The following NWD2 variants were observed in gnomAD, a reference collection of about 807,000 sequenced individuals.
NWD2 encodes NACHT and WD repeat domain containing 2, also known as NACHT and WD repeat domain-containing protein 2.
A neutral mutation model predicts 132.7 loss-of-function variants in NWD2; 37 were observed. That is an observed-to-expected ratio of 0.28 (90% CI 0.21 to 0.37). The LOEUF is 0.37. NWD2 is among the 10% of genes least tolerant of loss of function. The pLI is 1.00. For missense variants in NWD2, 1,592 were observed against 2,122.4 expected (o/e 0.75, Z 4.91); for synonymous variants, 705 against 803.0 (o/e 0.88, Z 2.06).
chr4:37,436,412 G>A (rs540955375), intron 5 of NWD2, among the ~76,000 whole-genome samples: 9 of 152,102 alleles, frequency 5.9e-5, no homozygotes. Flanking sequence ...ATTTATTTAG[G>A]TATATTTAAG....
chr4:37,282,828 A>G (rs936274611), intron 1 of NWD2, among the ~76,000 whole-genome samples: 1 of 152,050 alleles, frequency 6.6e-6, no homozygotes, highest in Non-Finnish European at 1.5e-5. Context: ...AGTTTTTTTT[A>G]TTTTTAGCAT....
chr4:37,253,679 G>A (rs1364173893), intron 1 of NWD2, among the ~76,000 whole-genome samples: 2 of 152,180 alleles, frequency 1.3e-5, no homozygotes, highest in East Asian at 3.8e-4. Context: ...CAGATATTCA[G>A]TATCAGAATA....
intron 3 of NWD2, among the ~76,000 whole-genome samples, chr4:37,366,986 C>T (rs760982183): frequency 6.6e-6 from 1 of 152,128 alleles, no homozygotes; most frequent in African/African-American, 2.4e-5. Context: ...ACCTAATTAA[C>T]ATTTATAGAA....
intron 3 of NWD2, among the ~76,000 whole-genome samples, chr4:37,389,960 G>A (rs1232760366): frequency 6.6e-6 from 1 of 151,940 alleles, no homozygotes; most frequent in Non-Finnish European, 1.5e-5. Context: ...TTGTATTTCT[G>A]GTAGAGATGG....
intron 1 of NWD2, among the ~76,000 whole-genome samples, chr4:37,248,190 T>C (rs1276914022): frequency 2.6e-5 from 4 of 152,070 alleles, no homozygotes; most frequent in African/African-American, 9.7e-5. Flanking sequence ...TCACACCACG[T>C]GGGCAAGACA....
chr4:37,335,947 A>G (rs1719397681), intron 2 of NWD2, among the ~76,000 whole-genome samples: 1 of 151,388 alleles, frequency 6.6e-6, no homozygotes, highest in Non-Finnish European at 1.5e-5. Flanking sequence ...CTATACCATC[A>G]CTGTGTAAAG....
intron 1 of NWD2, among the ~76,000 whole-genome samples, chr4:37,318,230 T>G (rs944543150): frequency 6.6e-6 from 1 of 152,030 alleles, no homozygotes; most frequent in African/African-American, 2.4e-5. Flanking sequence ...TTTCACCATG[T>G]TGGCCAGGCT....
chr4:37,380,544 A>T (rs1720432355), intron 3 of NWD2, among the ~76,000 whole-genome samples: 1 of 152,258 alleles, frequency 6.6e-6, no homozygotes, highest in African/African-American at 2.4e-5. Flanking sequence ...TATGTTGCTT[A>T]GCACAGGGTC....
chr4:37,435,065 G>A (rs898787864), intron 5 of NWD2, among the ~76,000 whole-genome samples: 6 of 152,174 alleles, frequency 3.9e-5, no homozygotes, highest in African/African-American at 1.4e-4. Context: ...TCACCTGTTG[G>A]CCTTTCTCAG....
chr4:37,294,325 A>G (rs1435391), intron 1 of NWD2, among the ~76,000 whole-genome samples: 152,239 of 152,308 alleles, frequency 1, 76,086 homozygotes, highest in Middle Eastern at 1. Context: ...GAAATCCTTA[A>G]TACCAAAGGC....
rs188663894 is a variant in NWD2, at chr4:37,430,239, T to C, written c.358-333T>C. Reference sequence around the variant, plus strand: ...GACATTTTTAAGGTCTAGCACATCATTTTTCTTTGATATGAACAAACAAAT... The same window carrying C: ...GACATTTTTAAGGTCTAGCACATCACTTTTCTTTGATATGAACAAACAAAT... On this transcript the variant is annotated intron_variant, in intron 3 of 6. Transcript: ENST00000309447. Among the ~76,000 whole-genome samples, 38 of 152,322 alleles carry C rather than the reference T, an allele frequency of 2.5e-4. No individual in the cohort carries two copies. The East Asian group carries it at 7.3e-3, about 29-fold the overall frequency.
At chr4:37,436,956 T>C (rs1366962788) in intron 5 of NWD2, among the ~76,000 whole-genome samples, 4 of 152,204 alleles carry the variant, frequency 2.6e-5, no homozygotes, top group Non-Finnish European at 5.9e-5. Context: ...ATGACACAGC[T>C]TACTAGGCAC....
chr4:37,424,011 T>C lies in NWD2; in HGVS notation c.358-6561T>C, dbSNP rs74441432. 8.7e-4 allele frequency among the ~76,000 whole-genome samples: 132 copies of C among 152,114 alleles called. 3 individuals are homozygous for C. Among genetic ancestry groups the C allele is most frequent in the African/African-American group, 2.6e-3 (106 of 41,506 alleles). On this transcript the variant is annotated intron_variant, in intron 3 of 6. Coordinates refer to ENST00000309447, the MANE Select transcript of NWD2 (RefSeq NM_001144990.2). ...AGGTGTTGCTGGCTCTTTGGCGGGG[T>C]TCAGGTGGTCTCACTCCACAGTAGA...
intron 3 of NWD2, among the ~76,000 whole-genome samples, chr4:37,367,075 A>G (rs766716899): frequency 2.0e-5 from 3 of 152,222 alleles, no homozygotes; most frequent in Non-Finnish European, 4.4e-5. Context: ...TGATCCATCC[A>G]TATGATGGGT....
intron 3 of NWD2, among the ~76,000 whole-genome samples, chr4:37,392,478 T>C (rs1245742079): frequency 6.6e-6 from 1 of 152,134 alleles, no homozygotes; most frequent in Non-Finnish European, 1.5e-5. Context: ...TCATGGTGTC[T>C]ACCCACTAGA....
In NWD2 at chr4:37,245,079, C is replaced by A; in HGVS notation, c.12C>A (p.Ala4=). 3 of 1,545,816 alleles carry A rather than the reference C, an allele frequency of 1.9e-6. No homozygotes were observed. The highest frequency in any genetic ancestry group is 2.6e-6 in the Non-Finnish European group (3 of 1,146,454). Residue 4 remains alanine (A), a synonymous_variant, in exon 1 of 7, where the codon GCC becomes GCA. Coordinates refer to ENST00000309447, the MANE Select transcript of NWD2 (RefSeq NM_001144990.2). ...CCTCCCAGAGGGCGATGTGGCCGGC[C>A]GGCGCGGGCACCAAGCTGCCCTGTC... is the stretch of plus-strand genomic sequence containing the variant. MWP[A]GAGTKLPCPR... is the part of the protein sequence containing the mutation.
intron 2 of NWD2, among the ~76,000 whole-genome samples, chr4:37,335,217 C>A (rs143288758): frequency 7.1e-6 from 1 of 141,826 alleles, no homozygotes; most frequent in East Asian, 2.1e-4. Context: ...CTAGCCTTTG[C>A]GAACTACATT....
chr4:37,338,183 T>C (rs1208282772), intron 2 of NWD2, among the ~76,000 whole-genome samples: 1 of 152,254 alleles, frequency 6.6e-6, no homozygotes, highest in Non-Finnish European at 1.5e-5. Flanking sequence ...GAGTCTAAGA[T>C]GCATGGATTT....
chr4:37,375,630 G>T (rs1274406332), intron 3 of NWD2, among the ~76,000 whole-genome samples: 16 of 150,060 alleles, frequency 1.1e-4, no homozygotes, highest in Non-Finnish European at 7.4e-5. Flanking sequence ...GTGCAGTGGG[G>T]CGATCTCGGC....
Sources: allele counts gnomAD v4.1 joint callset (sites outside exome capture counted in the v4.1 genomes callset), GRCh38; gene constraint gnomAD v4.1.1; transcripts MANE v1.5; gene names NCBI Gene and HGNC (gene_info 2026-07-23, HGNC 2026-07-21).